Variants in FLT1 observed in about 807,000 individuals in gnomAD.
FLT1 encodes the protein fms related receptor tyrosine kinase 1.
In FLT1, 49 loss-of-function variants were observed where a neutral mutation model predicts 156.3. The ratio of observed to expected loss-of-function variants is 0.31; its 90% CI spans 0.25 to 0.40. The LOEUF (loss-of-function observed/expected upper bound fraction) is 0.40, where lower values mean the gene tolerates loss of function less well. Among genes scored for constraint, FLT1 ranks in the 10% least tolerant of loss-of-function variants. The pLI is 1.00. For missense variants in FLT1, 1,322 were observed against 1,637.2 expected, an observed-to-expected ratio of 0.81 and a Z score of 3.32; for synonymous variants, 594 against 583.8, an observed-to-expected ratio of 1.02 and a Z score of -0.25.
At position 28,446,478 on chromosome 13, in the gene FLT1, A is replaced by C. The variant is rs190359169; in HGVS notation, c.389-8133T>G. The stretch of plus-strand genomic sequence containing the variant: ...AGCAAGATTGCAGGATACAATGTAC[A>C]AAATGAATTATATTCCTATACATTT... On this transcript the variant is annotated intron_variant, in intron 3 of 29. Transcript: ENST00000282397. Among the ~76,000 whole-genome samples the C allele has an allele frequency of 1.7e-3, 261 of 152,380 alleles. 2 individuals carry two copies. Among genetic ancestry groups the C allele is most frequent in the Non-Finnish European group, 1.6e-3 (112 of 68,032 alleles).
intron 1 of FLT1, among the ~76,000 whole-genome samples, chr13:28,478,991 A>G (rs1359753866): frequency 6.6e-6 from 1 of 152,252 alleles, no homozygotes; most frequent in Non-Finnish European, 1.5e-5. Flanking sequence ...AATGTGATAA[A>G]GTTCTGATGT....
intron 1 of FLT1, among the ~76,000 whole-genome samples, chr13:28,485,236 T>C (rs925671355): frequency 1.3e-5 from 2 of 152,094 alleles, no homozygotes; most frequent in African/African-American, 2.4e-5. Flanking sequence ...CCCTGCAGTC[T>C]CGGCACCTCC....
chr13:28,345,789 G>C (rs1176687687), intron 15 of FLT1: 4 of 401,920 alleles, frequency 1.0e-5, no homozygotes, highest in South Asian at 8.7e-5. Flanking sequence ...CATAGAAAAG[G>C]CTTTCCAGAA....
chr13:28,322,709 A>T lies in FLT1; in HGVS notation c.2953+81T>A. On this transcript the variant is annotated intron_variant, in intron 21 of 29. Coordinates refer to ENST00000282397, the MANE Select transcript of FLT1 (RefSeq NM_002019.4). The surrounding 1 kb of genome is among the most constrained non-coding windows in gnomAD (Gnocchi z 4.3). Reference sequence around the variant, plus strand: ...TCCCACGGATGTTTATTAGAGTGATAAATAAGAAAAAAATTTCAGAGATGC... The same window carrying T: ...TCCCACGGATGTTTATTAGAGTGATTAATAAGAAAAAAATTTCAGAGATGC... The T allele has an allele frequency of 7.4e-7, 1 of 1,348,748 alleles. No individual in the cohort carries two copies. Among genetic ancestry groups the T allele is most frequent in the Non-Finnish European group, 1.1e-6 (1 of 943,502 alleles). The allele number at this position is 1,348,748 out of a possible 1,614,324, so 83.5% of individuals were successfully genotyped here.
chr13:28,396,159 C>G (rs1875030779), intron 12 of FLT1, among the ~76,000 whole-genome samples: 1 of 152,214 alleles, frequency 6.6e-6, no homozygotes, highest in Non-Finnish European at 1.5e-5. Flanking sequence ...CCAGAGGCCC[C>G]TGTGATCTGA....
intron 16 of FLT1, 62 bp from the exon 17 acceptor site, chr13:28,339,362 T>A: frequency 6.4e-7 from 1 of 1,551,332 alleles, no homozygotes; most frequent in Non-Finnish European, 8.8e-7. Flanking sequence ...TCCTAGATAT[T>A]CCGTTAACAT....
chr13:28,319,841 G>C (rs1871367898), intron 23 of FLT1, among the ~76,000 whole-genome samples: 1 of 152,230 alleles, frequency 6.6e-6, no homozygotes, highest in African/African-American at 2.4e-5. Flanking sequence ...CACTCCACAG[G>C]GACACACTCA....
chr13:28,357,292 C>A (rs577642761), intron 15 of FLT1, among the ~76,000 whole-genome samples: 20 of 152,178 alleles, frequency 1.3e-4, no homozygotes, highest in African/African-American at 4.3e-4. Context: ...AACTGGGTTT[C>A]CTTTCTTCTG....
At chr13:28,376,087 C>A (rs1047413724) in intron 14 of FLT1, among the ~76,000 whole-genome samples, 4 of 152,138 alleles carry the variant, frequency 2.6e-5, no homozygotes, top group Non-Finnish European at 5.9e-5. Flanking sequence ...TAAGATCTTT[C>A]CTGGATCTAG....
At chr13:28,361,892 G>C (rs982147428) in intron 14 of FLT1, among the ~76,000 whole-genome samples, 41 of 152,192 alleles carry the variant, frequency 2.7e-4, no homozygotes, top group Admixed American at 2.7e-3. Flanking sequence ...TAGAAGGAAA[G>C]AGAATCACAA....
At chr13:28,357,082 G>A (rs1872924064) in intron 15 of FLT1, among the ~76,000 whole-genome samples, 1 of 152,156 alleles carries the variant, frequency 6.6e-6, no homozygotes, top group African/African-American at 2.4e-5. Context: ...CATTTTAAAA[G>A]CCAGCTTATA....
At chr13:28,399,114 G>A (rs1875260615) in intron 11 of FLT1, 3 of 1,549,186 alleles carry the variant, frequency 1.9e-6, no homozygotes, top group Non-Finnish European at 2.6e-6. Flanking sequence ...GTTAGCTGGT[G>A]GAAGCTGGAA....
chr13:28,487,387 G>A (rs1021396920), intron 1 of FLT1, among the ~76,000 whole-genome samples: 3 of 152,330 alleles, frequency 2.0e-5, no homozygotes, highest in East Asian at 1.9e-4. Context: ...ATTTATGCTA[G>A]GTTCACTTCA....
At chr13:28,358,002 A>C (rs759240942) in intron 14 of FLT1, among the ~76,000 whole-genome samples, 1 of 151,386 alleles carries the variant, frequency 6.6e-6, no homozygotes, top group South Asian at 2.1e-4. Flanking sequence ...GCCATGCCCA[A>C]CTTGAAAGTT....
At chr13:28,477,969 C>G (rs974840746) in intron 1 of FLT1, among the ~76,000 whole-genome samples, 3 of 152,180 alleles carry the variant, frequency 2.0e-5, no homozygotes, top group African/African-American at 7.2e-5. Flanking sequence ...ACTAAATATA[C>G]AGGTGGCTTA....
At position 28,321,720 on chromosome 13, in the gene FLT1, G is replaced by C. The variant is rs1871470013; in HGVS notation, c.3052-135C>G. 3.5e-6 allele frequency: 3 copies of C among 846,550 alleles called. No individual in the cohort carries two copies. In the South Asian group the frequency reaches 4.4e-5, roughly 12 times the overall value. 52.4% of individuals were successfully genotyped at this position (846,550 alleles called of 1,614,324 possible). A position where few individuals can be genotyped will look rare whatever the true frequency, so the allele number is the denominator to read the frequency against. ...AAGGGAGCACCTCTCGGTGCACACA[G>C]AGTTACCATAAACATGAAGAGCCTC... On this transcript the variant is annotated intron_variant, in intron 22 of 29. Transcript: ENST00000282397.
At chr13:28,330,588 CTATATA>C (rs3029492) in intron 18 of FLT1, among the ~76,000 whole-genome samples, 3 of 142,380 alleles carry the variant, frequency 2.1e-5, no homozygotes, top group East Asian at 2.0e-4. Flanking sequence ...ATCAGAGGTC[CTATATA>C]TATATATATA....
intron 10 of FLT1, among the ~76,000 whole-genome samples, chr13:28,422,241 T>A (rs1779389352): frequency 6.6e-6 from 1 of 152,244 alleles, no homozygotes; most frequent in Admixed American, 6.5e-5. Flanking sequence ...TCTCTACATA[T>A]TTTGACTAGT....
chr13:28,385,422 T>G (rs926329042), intron 13 of FLT1: 6 of 687,240 alleles, frequency 8.7e-6, no homozygotes, highest in Non-Finnish European at 7.6e-6. Flanking sequence ...TATATAAATA[T>G]ATAGTGCTGT....
Sources: allele counts gnomAD v4.1 joint callset (sites outside exome capture counted in the v4.1 genomes callset), GRCh38; gene constraint gnomAD v4.1.1; non-coding constraint Gnocchi (gnomAD v3.1); transcripts MANE v1.5; gene names NCBI Gene and HGNC (gene_info 2026-07-23, HGNC 2026-07-21).